The following PLXNA4 variants were observed in gnomAD, a reference collection of about 807,000 sequenced individuals.
PLXNA4 encodes plexin-A4.
A neutral mutation model predicts 191.8 loss-of-function variants in PLXNA4; 44 were observed. That is an observed-to-expected ratio of 0.23 (90% CI 0.18 to 0.29). The LOEUF (loss-of-function observed/expected upper bound fraction) is 0.29, where lower values mean the gene tolerates loss of function less well. Among genes scored for constraint, PLXNA4 ranks in the 10% least tolerant of loss-of-function variants. PLXNA4 has a pLI of 1.00. For synonymous variants in PLXNA4, 1,082 were observed against 1,009.5 expected (o/e 1.07, Z -1.36); for missense variants, 1,800 against 2,488.8 (o/e 0.72, Z 5.89).
chr7:132,590,667 T>C (rs983114509), intron 2 of PLXNA4, among the ~76,000 whole-genome samples: 4 of 152,220 alleles, frequency 2.6e-5, no homozygotes, highest in South Asian at 2.1e-4. Flanking sequence ...CTGGCTGTGC[T>C]GGCAGCTGAT....
chr7:132,379,835 C>T (rs1458632681), intron 3 of PLXNA4, among the ~76,000 whole-genome samples: 3 of 152,208 alleles, frequency 2.0e-5, no homozygotes, highest in Admixed American at 6.5e-5. Flanking sequence ...AACATCCAAA[C>T]TATTACCCTT....
At chr7:132,213,437 G>A (rs925481412) in intron 9 of PLXNA4, among the ~76,000 whole-genome samples, 1 of 152,208 alleles carries the variant, frequency 6.6e-6, no homozygotes, top group Non-Finnish European at 1.5e-5. Context: ...CGGGCCAGCA[G>A]GAAGAGAACA....
At chr7:132,565,376 G>A (rs949783175) in intron 1 of PLXNA4, among the ~76,000 whole-genome samples, 1 of 152,078 alleles carries the variant, frequency 6.6e-6, no homozygotes, top group Non-Finnish European at 1.5e-5. Flanking sequence ...AAAACCTCAG[G>A]ATTATTTTGC....
intron 1 of PLXNA4, among the ~76,000 whole-genome samples, chr7:132,511,300 G>A (rs1479856323): frequency 6.6e-6 from 1 of 152,168 alleles, no homozygotes; most frequent in Non-Finnish European, 1.5e-5. Context: ...CCTATTTCAG[G>A]TGAGGAAACT....
chr7:132,574,214 G>A (rs1802119955), intron 1 of PLXNA4, among the ~76,000 whole-genome samples: 1 of 152,224 alleles, frequency 6.6e-6, no homozygotes, highest in Non-Finnish European at 1.5e-5. Flanking sequence ...AAAGGAAAGA[G>A]GGTAGGGAGG....
chr7:132,472,453 C>A (rs1796966679), intron 3 of PLXNA4, among the ~76,000 whole-genome samples: 1 of 152,074 alleles, frequency 6.6e-6, no homozygotes, highest in South Asian at 2.1e-4. Context: ...ATCTTTAGAA[C>A]AAGGAAACTG....
At chr7:132,465,241 CT>C (rs1796655944) in intron 3 of PLXNA4, among the ~76,000 whole-genome samples, 1 of 152,192 alleles carries the variant, frequency 6.6e-6, no homozygotes, top group Non-Finnish European at 1.5e-5. Flanking sequence ...ATTGGGTCCC[CT>C]GAGCTCCCCC....
At chr7:132,370,027 C>T (rs1307766841) in intron 3 of PLXNA4, among the ~76,000 whole-genome samples, 2 of 148,736 alleles carry the variant, frequency 1.3e-5, no homozygotes, top group African/African-American at 2.5e-5. Flanking sequence ...AAGATCGCAC[C>T]ACTGCACTCC....
chr7:132,499,507 G>A (rs1357522718), intron 2 of PLXNA4, among the ~76,000 whole-genome samples: 1 of 152,210 alleles, frequency 6.6e-6, no homozygotes, highest in Non-Finnish European at 1.5e-5. Context: ...CCTGTCAGGG[G>A]CAGATAAATC....
intron 12 of PLXNA4, among the ~76,000 whole-genome samples, chr7:132,202,254 G>GC (rs1345646752): frequency 6.6e-6 from 1 of 152,136 alleles, no homozygotes; most frequent in Non-Finnish European, 1.5e-5. Context: ...GCCAGGCTGT[G>GC]CCCCAACACC....
At chr7:132,478,376 AAT>A (rs1797209681) in intron 3 of PLXNA4, among the ~76,000 whole-genome samples, 1 of 152,244 alleles carries the variant, frequency 6.6e-6, no homozygotes, top group Non-Finnish European at 1.5e-5. Context: ...CATTTAAAAA[AAT>A]ATGTTTACTC....
Position 132,123,770 on chromosome 7 carries a change from T to A in PLXNA4, c.*6709A>T, listed in dbSNP as rs565610625. 2.0e-5 allele frequency: 3 copies of A among 152,314 alleles called. No individual in the cohort carries two copies. In the East Asian group the frequency reaches 5.8e-4, roughly 29 times the overall value. 9.4% of individuals were successfully genotyped at this position (152,314 alleles called of 1,614,324 possible). A position where few individuals can be genotyped will look rare whatever the true frequency, so the allele number is the denominator to read the frequency against. On this transcript the variant is annotated 3_prime_UTR_variant, in exon 32 of 32. Transcript: ENST00000321063. ...TGACTGGAACAGAGATAACCTGCCC[T>A]ACCTCCTTCAACGGCTTCTCTATGT...
chr7:132,575,831 T>G (rs1937955327), intron 1 of PLXNA4, among the ~76,000 whole-genome samples: 1 of 152,134 alleles, frequency 6.6e-6, no homozygotes, highest in African/African-American at 2.4e-5. Context: ...GCAGTGTCTG[T>G]TTCATATGCG....
At chr7:132,267,237 G>T (rs1799892396) in intron 4 of PLXNA4, among the ~76,000 whole-genome samples, 1 of 152,192 alleles carries the variant, frequency 6.6e-6, no homozygotes, top group Non-Finnish European at 1.5e-5. Flanking sequence ...TTATGTGAGT[G>T]TTTATGTTCA....
At chr7:132,562,361 T>TC (rs1801221079) in intron 1 of PLXNA4, among the ~76,000 whole-genome samples, 1 of 95,432 alleles carries the variant, frequency 1.0e-5, no homozygotes, top group Non-Finnish European at 2.4e-5. Flanking sequence ...TTCCTCCTCC[T>TC]CCTCTGCCTC....
At chr7:132,396,260 G>T (rs1793751817) in intron 3 of PLXNA4, among the ~76,000 whole-genome samples, 1 of 152,196 alleles carries the variant, frequency 6.6e-6, no homozygotes, top group Admixed American at 6.5e-5. Flanking sequence ...AATGGGGAGA[G>T]CTGCAGGTTC....
intron 2 of PLXNA4, among the ~76,000 whole-genome samples, chr7:132,609,993 T>A (rs1374388977): frequency 6.6e-6 from 1 of 152,212 alleles, no homozygotes; most frequent in Non-Finnish European, 1.5e-5. Context: ...TTCAGTTCTA[T>A]CCACCATCTG....
At chr7:132,145,070 T>C in intron 29 of PLXNA4, 49 bp downstream of exon 29, 1 of 1,612,436 alleles carries the variant, frequency 6.2e-7, no homozygotes, top group Non-Finnish European at 8.5e-7. Flanking sequence ...AACTTGAGGC[T>C]GGGTGGGCTC....
chr7:132,172,995 T>C (rs73499339), intron 21 of PLXNA4, among the ~76,000 whole-genome samples: 11,152 of 152,248 alleles, frequency 0.073, 1,297 homozygotes, highest in African/African-American at 0.25. Context: ...ATTCATTTAT[T>C]CAATCATTTA....
Sources: allele counts gnomAD v4.1 joint callset (sites outside exome capture counted in the v4.1 genomes callset), GRCh38; gene constraint gnomAD v4.1.1; transcripts MANE v1.5; gene names NCBI Gene and HGNC (gene_info 2026-07-23, HGNC 2026-07-21).